The following PCDH7 variants were observed in gnomAD, a reference collection of about 807,000 sequenced individuals.
The protein encoded by PCDH7 is protocadherin 7.
Under a neutral mutation model 58.9 loss-of-function variants are expected in PCDH7, and 17 were observed. The ratio of observed to expected loss-of-function variants is 0.29; its 90% CI spans 0.20 to 0.43. PCDH7 has a LOEUF of 0.43. PCDH7 is among the 20% of genes least tolerant of loss of function. PCDH7 has a pLI of 1.00. For synonymous variants in PCDH7, 664 were observed against 616.4 expected (o/e 1.08, Z -1.14); for missense variants, 1,274 against 1,441.0 (o/e 0.88, Z 1.88).
intron 3 of PCDH7, among the ~76,000 whole-genome samples, chr4:30,977,610 T>G (rs1369302306): frequency 6.6e-6 from 1 of 152,176 alleles, no homozygotes; most frequent in Non-Finnish European, 1.5e-5. Flanking sequence ...TTAAAAATTT[T>G]CACCAAGTGC....
intron 1 of PCDH7, among the ~76,000 whole-genome samples, chr4:30,893,381 A>C: frequency 6.6e-6 from 1 of 152,154 alleles, no homozygotes; most frequent in East Asian, 1.9e-4. Flanking sequence ...GAGAAGTTAC[A>C]GAACTATATA....
chr4:31,002,715 A>T (rs1310913153), intron 3 of PCDH7, among the ~76,000 whole-genome samples: 1 of 152,238 alleles, frequency 6.6e-6, no homozygotes, highest in African/African-American at 2.4e-5. Context: ...TGCTTGAGGT[A>T]TTCTAAGTTC....
intron 1 of PCDH7, among the ~76,000 whole-genome samples, chr4:30,858,553 A>G (rs1320244617): frequency 6.6e-6 from 1 of 152,246 alleles, no homozygotes; most frequent in Non-Finnish European, 1.5e-5. Flanking sequence ...ATTCAGAGGT[A>G]GGCCTATAGC....
intron 1 of PCDH7, among the ~76,000 whole-genome samples, chr4:30,902,700 A>G (rs1740387647): frequency 2.0e-5 from 3 of 152,118 alleles, no homozygotes; most frequent in Non-Finnish European, 2.9e-5. Context: ...AGAGACTTGA[A>G]AAAGTCATAA....
At position 31,022,027 on chromosome 4, in the gene PCDH7, G is replaced by T. The variant is rs972377279; in HGVS notation, c.*7+71812G>T. ...TTATTTTGCTTAATGGATGTTCTAG[G>T]GATAATTATTGTCGTTTAAATATGT... On this transcript the variant is annotated intron_variant, in intron 3 of 3. Transcript: ENST00000509759. Among the ~76,000 whole-genome samples the T allele has an allele frequency of 2.6e-5, 4 of 152,076 alleles. No homozygotes were observed. The East Asian group carries it at 7.7e-4, about 29-fold the overall frequency.
chr4:30,819,305 G>T (rs1274701286), intron 1 of PCDH7, among the ~76,000 whole-genome samples: 1 of 152,152 alleles, frequency 6.6e-6, no homozygotes, highest in African/African-American at 2.4e-5. Context: ...TGAAATTAGA[G>T]ATTTCACTGG....
chr4:31,066,088 G>A (rs573923599), intron 3 of PCDH7, among the ~76,000 whole-genome samples: 2 of 151,870 alleles, frequency 1.3e-5, no homozygotes, highest in South Asian at 2.1e-4. Context: ...TTTCATATCA[G>A]CCTCCTCATT....
chr4:30,894,226 C>G (rs1333085006), intron 1 of PCDH7, among the ~76,000 whole-genome samples: 3 of 151,682 alleles, frequency 2.0e-5, no homozygotes, highest in African/African-American at 7.3e-5. Flanking sequence ...TCTATTAAAC[C>G]AGACAATAGC....
intron 3 of PCDH7, among the ~76,000 whole-genome samples, chr4:31,069,075 T>C (rs74560179): frequency 0.016 from 2,462 of 152,090 alleles, 28 homozygotes; most frequent in Non-Finnish European, 0.025. Flanking sequence ...ATTTACACAT[T>C]GAAATAGCTG....
intron 3 of PCDH7, among the ~76,000 whole-genome samples, chr4:31,049,485 C>CAGGCAAGAAA (rs1756573555): frequency 1.3e-5 from 2 of 152,082 alleles, no homozygotes; most frequent in South Asian, 4.1e-4. Flanking sequence ...AAGAAATAAG[C>CAGGCAAGAAA]TACATTTCTT....
Position 30,722,497 on chromosome 4 carries a change from C to G in PCDH7, c.1075C>G (p.Arg359Gly). 1 of 1,609,064 alleles carries G rather than the reference C, an allele frequency of 6.2e-7. No individual in the cohort carries two copies. The highest frequency in any genetic ancestry group is 8.5e-7 in the Non-Finnish European group (1 of 1,178,106). ...CACCGAGTCGGTGAGGCGGCTGCTG[C>G]GCCTTGACGAGACGTCCGGCTGGCT... Residue 359 changes from arginine to glycine, a missense_variant, in exon 1 of 2, where the codon CGC (arginine) becomes GGC (glycine). Arg to Gly is a moderately radical substitution (Grantham distance 125). Around this residue, in one of 3 missense-constraint regions of PCDH7, gnomAD observed 331 missense variants for 303.2 expected, o/e 1.09. Coordinates refer to ENST00000361762, the Ensembl canonical transcript of PCDH7. The surrounding 1 kb of genome is among the most constrained non-coding windows in gnomAD (Gnocchi z 7.6).
intron 1 of PCDH7, among the ~76,000 whole-genome samples, chr4:30,780,186 G>A (rs1451330648): frequency 6.6e-6 from 1 of 152,064 alleles, no homozygotes; most frequent in Non-Finnish European, 1.5e-5. Flanking sequence ...ATCCTTCCCT[G>A]ATTCAGAAAG....
At chr4:31,120,667 C>G (rs116374841) in intron 3 of PCDH7, among the ~76,000 whole-genome samples, 1 of 152,012 alleles carries the variant, frequency 6.6e-6, no homozygotes, top group Non-Finnish European at 1.5e-5. Flanking sequence ...TCCAACCAAG[C>G]AAATAAAGAT....
At chr4:30,932,355 A>G (rs1744748629) in intron 2 of PCDH7, among the ~76,000 whole-genome samples, 1 of 152,230 alleles carries the variant, frequency 6.6e-6, no homozygotes, top group Non-Finnish European at 1.5e-5. Flanking sequence ...TCATACTAAT[A>G]ATGATTTGTC....
chr4:30,993,528 C>T (rs139008970), intron 3 of PCDH7, among the ~76,000 whole-genome samples: 36 of 152,074 alleles, frequency 2.4e-4, no homozygotes, highest in African/African-American at 8.2e-4. Flanking sequence ...GTAGGGAAAA[C>T]CCATTCCTAA....
intron 3 of PCDH7, among the ~76,000 whole-genome samples, chr4:31,064,260 C>A (rs780633857): frequency 2.6e-5 from 4 of 151,870 alleles, no homozygotes; most frequent in Non-Finnish European, 4.4e-5. Flanking sequence ...GGAAACAACA[C>A]GCAGGAGAAA....
chr4:31,034,490 A>G (rs929948052), intron 3 of PCDH7, among the ~76,000 whole-genome samples: 2 of 152,236 alleles, frequency 1.3e-5, no homozygotes, highest in Non-Finnish European at 2.9e-5. Context: ...GATGTTACCT[A>G]TTCTGAAAAC....
intron 3 of PCDH7, among the ~76,000 whole-genome samples, chr4:31,071,055 A>G (rs1046674268): frequency 3.9e-5 from 6 of 152,038 alleles, no homozygotes; most frequent in African/African-American, 1.4e-4. Context: ...GCAAGAGTGC[A>G]GGGCCCCTTC....
Position 30,722,370 on chromosome 4 carries a change from C to G in PCDH7, c.948C>G (p.Asp316Glu), listed in dbSNP as rs779409069. ...TCGAGAAGAGCGTGTACGAGGCCGA[C>G]TTGGCTGAGAACAGCGCCCCGGGGA... Residue 316 changes from aspartate to glutamate, a missense_variant, in exon 1 of 2, where the codon GAC (aspartate) becomes GAG (glutamate). Around this residue, in one of 3 missense-constraint regions of PCDH7, gnomAD observed 331 missense variants for 303.2 expected, o/e 1.09. Transcript: ENST00000361762. The surrounding 1 kb of genome is among the most constrained non-coding windows in gnomAD (Gnocchi z 7.6). The G allele has an allele frequency of 1.2e-6, 2 of 1,612,446 alleles. No individual in the cohort carries two copies. The highest frequency in any genetic ancestry group is 1.7e-6 in the Non-Finnish European group (2 of 1,179,908).
Sources: gnomAD v4.1 joint callset for allele counts (sites outside exome capture counted in the v4.1 genomes callset) on GRCh38, gnomAD v4.1.1 for gene constraint, gnomAD v4.1.1 regional missense constraint, Gnocchi (gnomAD v3.1) non-coding constraint, MANE v1.5 for transcripts, NCBI Gene and HGNC (gene_info 2026-07-23, HGNC 2026-07-21) for gene names.